Variants in ANKS1B observed in about 807,000 individuals in gnomAD.
ANKS1B encodes ankyrin repeat and sterile alpha motif domain containing 1B.
ANKS1B carries 36 observed loss-of-function variants against 148.3 expected under a neutral mutation model. That is an observed-to-expected ratio of 0.24 (90% CI 0.19 to 0.32). ANKS1B has a LOEUF of 0.32. Among genes scored for constraint, ANKS1B ranks in the 10% least tolerant of loss-of-function variants. ANKS1B has a pLI of 1.00. For synonymous variants in ANKS1B, 542 were observed against 560.8 expected (o/e 0.97, Z 0.47); for missense variants, 1,157 against 1,542.6 (o/e 0.75, Z 4.19).
intron 14 of ANKS1B, among the ~76,000 whole-genome samples, chr12:99,223,129 G>GTTAAATA (rs2085372379): frequency 6.6e-6 from 1 of 152,184 alleles, no homozygotes; most frequent in Non-Finnish European, 1.5e-5. Flanking sequence ...CATAGGAAAG[G>GTTAAATA]TTAAATATTA....
At chr12:99,775,178 A>G (rs560142950) in intron 7 of ANKS1B, among the ~76,000 whole-genome samples, 1 of 152,258 alleles carries the variant, frequency 6.6e-6, no homozygotes, top group Non-Finnish European at 1.5e-5. Context: ...AAAAAATACT[A>G]TGTGAGATGA....
At chr12:99,523,944 T>G (rs551966352) in intron 9 of ANKS1B, among the ~76,000 whole-genome samples, 1 of 152,350 alleles carries the variant, frequency 6.6e-6, no homozygotes, top group East Asian at 1.9e-4. Flanking sequence ...ATAGAAGTTT[T>G]GTATTAGTAC....
intron 1 of ANKS1B, among the ~76,000 whole-genome samples, chr12:99,907,773 C>G (rs1174423859): frequency 7.0e-6 from 1 of 141,936 alleles, no homozygotes; most frequent in African/African-American, 2.7e-5. Flanking sequence ...TTTAATGCTG[C>G]CTGGAAATAA....
intron 25 of ANKS1B, among the ~76,000 whole-genome samples, chr12:98,763,475 C>G (rs1320543989): frequency 6.6e-6 from 1 of 152,268 alleles, no homozygotes; most frequent in Admixed American, 6.5e-5. Flanking sequence ...TTCTTTAGGG[C>G]TAATTTTGGC....
At position 99,505,251 on chromosome 12, in the gene ANKS1B, G is replaced by T. The variant is rs80295361; in HGVS notation, c.1273-610C>A. On this transcript the variant is annotated intron_variant, in intron 9 of 26. Coordinates refer to ENST00000683438, the MANE Select transcript of ANKS1B (RefSeq NM_001352186.2). Reference sequence around the variant, plus strand: ...GGCAACAGAAGGATAAAAAGAGCCTGGGACATTGATCATATCATTGAGCTG... The same window carrying T: ...GGCAACAGAAGGATAAAAAGAGCCTTGGACATTGATCATATCATTGAGCTG... Among the ~76,000 whole-genome samples the T allele has an allele frequency of 7.8e-3, 1,192 of 152,152 alleles. 12 individuals are homozygous for T. The highest frequency in any genetic ancestry group is 0.027 in the African/African-American group (1,110 of 41,534).
At chr12:99,858,963 C>T (rs533579173) in intron 1 of ANKS1B, among the ~76,000 whole-genome samples, 1 of 152,236 alleles carries the variant, frequency 6.6e-6, no homozygotes, top group Admixed American at 6.5e-5. Flanking sequence ...TCTCAGAAAT[C>T]TCCACTGAAG....
At position 98,953,537 on chromosome 12, in the gene ANKS1B, G is replaced by GTTTTTTTTTTTTTTTTTTTTTTTTTTT. The variant is rs1166158783; in HGVS notation, c.2778+99593_2778+99619dup. ...CATGTCCATTTGAGAATCTAGAGTG[G>GTTTTTTTTTTTTTTTTTTTTTTTTTTT]TTTTTTTTTTTTTTTTTTTTTTTTT... On this transcript the variant is annotated intron_variant, in intron 17 of 26. Coordinates refer to ENST00000683438, the MANE Select transcript of ANKS1B (RefSeq NM_001352186.2). 1.7e-4 allele frequency among the ~76,000 whole-genome samples: 10 copies of GTTTTTTTTTTTTTTTTTTTTTTTTTTT among 57,456 alleles called. 2 individuals are homozygous for GTTTTTTTTTTTTTTTTTTTTTTTTTTT. The highest frequency in any genetic ancestry group is 6.4e-4 in the East Asian group (1 of 1,564). The allele number at this position is 57,456 out of a possible 152,430, so 37.7% of individuals were successfully genotyped here.
At position 99,869,468 on chromosome 12, in the gene ANKS1B, G is replaced by T. The variant is rs1283842461; in HGVS notation, c.135-44079C>A. 1.2e-4 allele frequency among the ~76,000 whole-genome samples: 18 copies of T among 152,236 alleles called. No homozygotes were observed. In the East Asian group the frequency reaches 3.5e-3, roughly 29 times the overall value. ...GCAGGAGGATCACCTGAGGTTGGGA[G>T]TTTGAGACCAGCCTGACCAACATGG... On this transcript the variant is annotated intron_variant, in intron 1 of 26. Transcript: ENST00000683438.
intron 14 of ANKS1B, among the ~76,000 whole-genome samples, chr12:99,202,304 C>G (rs1315471495): frequency 6.6e-6 from 1 of 152,216 alleles, no homozygotes; most frequent in African/African-American, 2.4e-5. Context: ...CCGCAGCCCC[C>G]TTCTACTCAT....
At chr12:99,735,600 T>C (rs1390142910) in intron 8 of ANKS1B, among the ~76,000 whole-genome samples, 1 of 151,916 alleles carries the variant, frequency 6.6e-6, no homozygotes, top group Non-Finnish European at 1.5e-5. Flanking sequence ...TAATAAGTAA[T>C]GAAACTGAAT....
Position 98,985,577 on chromosome 12 carries a change from CA to C in ANKS1B, c.2778+67579del, listed in dbSNP as rs200990122. Among the ~76,000 whole-genome samples the C allele has an allele frequency of 2.3e-4, 35 of 151,650 alleles. No homozygotes were observed. The East Asian group carries it at 5.6e-3, about 24-fold the overall frequency. On this transcript the variant is annotated intron_variant, in intron 17 of 26. Transcript: ENST00000683438. Reference sequence around the variant, plus strand: ...CTAGGGTTTACATTATTCATCTTAACAAATAACACCCTACTTCAAATAATAT... The same window carrying C: ...CTAGGGTTTACATTATTCATCTTAACAATAACACCCTACTTCAAATAATAT...
intron 14 of ANKS1B, among the ~76,000 whole-genome samples, chr12:99,221,968 A>T (rs999517183): frequency 1.3e-5 from 2 of 152,158 alleles, no homozygotes; most frequent in African/African-American, 2.4e-5. Flanking sequence ...GATTATTATT[A>T]TTTTTTAAAA....
intron 17 of ANKS1B, among the ~76,000 whole-genome samples, chr12:98,839,822 T>G (rs1396103567): frequency 6.6e-6 from 1 of 152,218 alleles, no homozygotes; most frequent in African/African-American, 2.4e-5. Context: ...CTTGCTCACC[T>G]TGGATTACAT....
chr12:99,704,944 A>C (rs2055493127), intron 8 of ANKS1B, among the ~76,000 whole-genome samples: 1 of 152,054 alleles, frequency 6.6e-6, no homozygotes, highest in Non-Finnish European at 1.5e-5. Context: ...ACAAGAAAGG[A>C]AACTACAGTA....
intron 1 of ANKS1B, among the ~76,000 whole-genome samples, chr12:99,876,653 C>A (rs2092083634): frequency 1.3e-5 from 2 of 151,540 alleles, no homozygotes; most frequent in Admixed American, 1.3e-4. Context: ...TTGCTTGAAC[C>A]CGGGAGGCAG....
intron 9 of ANKS1B, among the ~76,000 whole-genome samples, chr12:99,505,680 T>C (rs2096704527): frequency 6.7e-6 from 1 of 149,920 alleles, no homozygotes; most frequent in South Asian, 2.1e-4. Flanking sequence ...TGGACTGTTT[T>C]TAAACTAATG....
intron 17 of ANKS1B, among the ~76,000 whole-genome samples, chr12:98,980,798 A>G (rs1262619514): frequency 6.6e-6 from 1 of 152,118 alleles, no homozygotes; most frequent in East Asian, 1.9e-4. Context: ...TCCAAACTCC[A>G]GTCTCTGTCT....
chr12:99,570,645 CAA>C (rs34453262), intron 9 of ANKS1B, among the ~76,000 whole-genome samples: 5 of 103,448 alleles, frequency 4.8e-5, no homozygotes, highest in Non-Finnish European at 6.2e-5. Flanking sequence ...GACTTCGTCT[CAA>C]AAAAAAAAAA....
intron 17 of ANKS1B, among the ~76,000 whole-genome samples, chr12:98,969,527 TAAGTA>T (rs369933514): frequency 1.3e-3 from 200 of 152,286 alleles, no homozygotes; most frequent in African/African-American, 4.2e-3. Flanking sequence ...ATGAATTATA[TAAGTA>T]AAGAACCCCA....
Sources: gnomAD v4.1 joint callset for allele counts (sites outside exome capture counted in the v4.1 genomes callset) on GRCh38, gnomAD v4.1.1 for gene constraint, MANE v1.5 for transcripts, NCBI Gene and HGNC (gene_info 2026-07-23, HGNC 2026-07-21) for gene names.